PCDH7: variants seen among roughly 807,000 people sequenced by gnomAD.
PCDH7 encodes protocadherin-7.
A neutral mutation model predicts 58.9 loss-of-function variants in PCDH7; 17 were observed. That is an observed-to-expected ratio of 0.29 (90% CI 0.20 to 0.43). The LOEUF (loss-of-function observed/expected upper bound fraction) is 0.43, where lower values mean the gene tolerates loss of function less well. Among genes scored for constraint, PCDH7 ranks in the 20% least tolerant of loss-of-function variants. The pLI is 1.00. For missense variants in PCDH7, 1,274 were observed against 1,441.0 expected, an observed-to-expected ratio of 0.88 and a Z score of 1.88; for synonymous variants, 664 against 616.4, an observed-to-expected ratio of 1.08 and a Z score of -1.14.
intron 1 of PCDH7, chr4:30,884,788 A>AT (rs1056594671): frequency 5.9e-5 from 9 of 152,100 alleles, no homozygotes; most frequent in African/African-American, 1.7e-4. Context: ...GGGGTGGGGT[A>AT]TTGAGGGGGT....
chr4:31,045,686 C>G (rs1289187621), intron 3 of PCDH7, among the ~76,000 whole-genome samples: 1 of 151,896 alleles, frequency 6.6e-6, no homozygotes, highest in Non-Finnish European at 1.5e-5. Flanking sequence ...ATTATTGCAA[C>G]CTATCTCTCC....
At chr4:30,762,167 A>G (rs1720112962) in intron 1 of PCDH7, among the ~76,000 whole-genome samples, 1 of 152,200 alleles carries the variant, frequency 6.6e-6, no homozygotes, top group Non-Finnish European at 1.5e-5. Flanking sequence ...AATGCTTGGG[A>G]GAATCGGCTA....
chr4:30,985,199 T>A (rs1578489337), intron 3 of PCDH7, among the ~76,000 whole-genome samples: 2 of 152,184 alleles, frequency 1.3e-5, no homozygotes, highest in East Asian at 3.9e-4. Flanking sequence ...TCAAGTGATC[T>A]GCCCACCTTG....
intron 3 of PCDH7, among the ~76,000 whole-genome samples, chr4:31,073,073 T>C (rs1758685804): frequency 6.6e-6 from 1 of 152,040 alleles, no homozygotes; most frequent in Non-Finnish European, 1.5e-5. Context: ...AGTATGTAAA[T>C]ATTATAGTAG....
At chr4:30,848,173 A>G (rs932753558) in intron 1 of PCDH7, among the ~76,000 whole-genome samples, 1 of 152,130 alleles carries the variant, frequency 6.6e-6, no homozygotes, top group Non-Finnish European at 1.5e-5. Flanking sequence ...TCTTTCTGAA[A>G]TAGTTTTAAT....
intron 2 of PCDH7, among the ~76,000 whole-genome samples, chr4:30,930,705 G>C (rs1173673261): frequency 6.6e-6 from 1 of 152,150 alleles, no homozygotes; most frequent in African/African-American, 2.4e-5. Context: ...GCTGAGGTGG[G>C]TGGATTGCTT....
At chr4:31,006,466 GC>G (rs1578543556) in intron 3 of PCDH7, among the ~76,000 whole-genome samples, 1 of 152,132 alleles carries the variant, frequency 6.6e-6, no homozygotes, top group East Asian at 1.9e-4. Flanking sequence ...AGTAGTTATG[GC>G]CAAAGGGAGA....
chr4:30,903,879 T>C (rs763073685), intron 1 of PCDH7, among the ~76,000 whole-genome samples: 3 of 152,154 alleles, frequency 2.0e-5, no homozygotes, highest in Admixed American at 6.6e-5. Context: ...GGATACTACA[T>C]GTAAAAGTAA....
intron 1 of PCDH7, among the ~76,000 whole-genome samples, chr4:30,878,717 G>T (rs1736591873): frequency 6.6e-6 from 1 of 152,100 alleles, no homozygotes; most frequent in Non-Finnish European, 1.5e-5. Flanking sequence ...GGGTTTGATG[G>T]TGGGCGCCTG....
chr4:31,052,331 C>T (rs1756821403), intron 3 of PCDH7, among the ~76,000 whole-genome samples: 1 of 152,058 alleles, frequency 6.6e-6, no homozygotes, highest in Non-Finnish European at 1.5e-5. Flanking sequence ...GTAATATCAT[C>T]CACACCACTG....
At chr4:30,770,534 A>G (rs1203026025) in intron 1 of PCDH7, among the ~76,000 whole-genome samples, 1 of 152,220 alleles carries the variant, frequency 6.6e-6, no homozygotes, top group African/African-American at 2.4e-5. Context: ...GCTGGATGAT[A>G]GCTTGTACAT....
chr4:30,975,530 ATAT>A (rs1188202914), intron 3 of PCDH7, among the ~76,000 whole-genome samples: 2 of 152,114 alleles, frequency 1.3e-5, no homozygotes, highest in Non-Finnish European at 2.9e-5. Flanking sequence ...TCCAGAGATA[ATAT>A]TATCTGGCCC....
At chr4:30,892,250 T>G (rs1048424941) in intron 1 of PCDH7, among the ~76,000 whole-genome samples, 1 of 152,070 alleles carries the variant, frequency 6.6e-6, no homozygotes, top group African/African-American at 2.4e-5. Context: ...TAATATGATT[T>G]ATTTTCAAAA....
At chr4:30,918,617 A>C (rs1250054394) in intron 1 of PCDH7, among the ~76,000 whole-genome samples, 3 of 152,134 alleles carry the variant, frequency 2.0e-5, no homozygotes, top group Non-Finnish European at 2.9e-5. Context: ...TAAATACTGC[A>C]GTTCCAATTC....
intron 3 of PCDH7, among the ~76,000 whole-genome samples, chr4:31,011,097 C>T (rs968529166): frequency 4.6e-5 from 7 of 151,804 alleles, no homozygotes; most frequent in African/African-American, 1.7e-4. Context: ...CCTCAATTAA[C>T]CATTGTGATC....
rs550891000 is a variant in PCDH7 at position 30,926,070 on chromosome 4, A to G, written c.287+5701A>G. On this transcript the variant is annotated intron_variant, in intron 2 of 3. Coordinates refer to the PCDH7 transcript ENST00000509759. ...AGAAGGAACTAAATGAGACAATAAT[A>G]TGCAATAATTTATAAATAAGTAATA... 2.0e-5 allele frequency among the ~76,000 whole-genome samples: 3 copies of G among 152,228 alleles called. No homozygotes were observed. The East Asian group carries it at 5.8e-4, about 29-fold the overall frequency.
At chr4:31,076,833 A>G (rs188967135) in intron 3 of PCDH7, among the ~76,000 whole-genome samples, 32 of 152,322 alleles carry the variant, frequency 2.1e-4, no homozygotes, top group African/African-American at 7.7e-4. Context: ...TCAACAGATG[A>G]TGAAACAATT....
At chr4:30,806,984 C>T (rs1046018609) in intron 1 of PCDH7, among the ~76,000 whole-genome samples, 3 of 152,100 alleles carry the variant, frequency 2.0e-5, no homozygotes, top group Admixed American at 6.5e-5. Context: ...AGACAGTACA[C>T]TGGTATCTGC....
At chr4:30,790,646 C>A (rs1723993830) in intron 1 of PCDH7, among the ~76,000 whole-genome samples, 3 of 152,126 alleles carry the variant, frequency 2.0e-5, no homozygotes, top group Non-Finnish European at 4.4e-5. Flanking sequence ...CAGGGCTGGC[C>A]ATGGTGGCTT....
Sources: allele counts gnomAD v4.1 joint callset (sites outside exome capture counted in the v4.1 genomes callset), GRCh38; gene constraint gnomAD v4.1.1; transcripts MANE v1.5; gene names NCBI Gene and HGNC (gene_info 2026-07-23, HGNC 2026-07-21).